The following PLEKHA7 variants were observed in gnomAD, a reference collection of about 807,000 sequenced individuals.
The protein encoded by PLEKHA7 is pleckstrin homology domain containing A7.
PLEKHA7 carries 104 observed loss-of-function variants against 170.0 expected under a neutral mutation model. The ratio of observed to expected loss-of-function variants is 0.61; its 90% CI spans 0.52 to 0.72. PLEKHA7 has a LOEUF of 0.72. PLEKHA7 is among the 30% of genes least tolerant of loss of function. The pLI is 0.00. For synonymous variants in PLEKHA7, 648 were observed against 660.8 expected (o/e 0.98, Z 0.30); for missense variants, 1,615 against 1,671.7 (o/e 0.97, Z 0.59).
At chr11:16,976,968 A>T (rs904454136) in intron 3 of PLEKHA7, among the ~76,000 whole-genome samples, 1 of 152,218 alleles carries the variant, frequency 6.6e-6, no homozygotes, top group African/African-American at 2.4e-5. Context: ...TCCAGGACAC[A>T]GAACACACAG....
chr11:16,853,391 A>T (rs1428509457), intron 6 of PLEKHA7, among the ~76,000 whole-genome samples: 1 of 152,238 alleles, frequency 6.6e-6, no homozygotes. Context: ...TCTGCAAATC[A>T]ACAAGATGAT....
chr11:16,800,050 T>C (rs898709853), intron 17 of PLEKHA7, among the ~76,000 whole-genome samples: 10 of 152,190 alleles, frequency 6.6e-5, no homozygotes, highest in Non-Finnish European at 1.3e-4. Context: ...CAAAGAGCCT[T>C]GGTTAGAACT....
At position 16,800,951 on chromosome 11, in the gene PLEKHA7, G is replaced by A. The variant is rs750464733; in HGVS notation, c.2409+23C>T. The stretch of plus-strand genomic sequence containing the variant: ...AAAAACAAAAAACAAGAGCTCAGAA[G>A]AGATGGACAGGTATCAGGTCACCTG... On this transcript the variant is annotated intron_variant, in intron 17 of 26. Transcript: ENST00000531066. 1.7e-5 allele frequency: 27 copies of A among 1,590,760 alleles called. No individual in the cohort carries two copies. The South Asian group carries it at 2.4e-4, about 14-fold the overall frequency.
chr11:16,896,056 A>G (rs1191760542), intron 3 of PLEKHA7, among the ~76,000 whole-genome samples: 1 of 152,278 alleles, frequency 6.6e-6, no homozygotes, highest in East Asian at 1.9e-4. Flanking sequence ...TTCAGGCTAA[A>G]TATCTTCCCC....
intron 17 of PLEKHA7, among the ~76,000 whole-genome samples, chr11:16,796,406 C>T (rs1386464118): frequency 6.6e-6 from 1 of 152,126 alleles, no homozygotes; most frequent in Non-Finnish European, 1.5e-5. Context: ...AGAAGCCAGT[C>T]ACAAAAAGCC....
intron 19 of PLEKHA7, 134 bp downstream of exon 19, chr11:16,794,354 G>T: frequency 1.2e-6 from 1 of 826,492 alleles, no homozygotes; most frequent in African/African-American, 1.7e-5. Context: ...TTAACTGCTT[G>T]TGACTAAGGA....
chr11:16,801,676 C>T lies in PLEKHA7; in HGVS notation c.2299G>A (p.Glu767Lys). 6.2e-7 allele frequency: 1 copy of T among 1,614,130 alleles called. No homozygotes were observed. ...LVHIRAELSR[E>K]STEMENAWNE... is the part of the protein sequence containing the mutation. ...TGCCACCCTCTACGCACAGTGGACT[C>T]TCTGGAGAGCTCAGCTCGGATATGG... The change falls in exon 16 of 27, where the codon GAG becomes AAG. Residue 767 changes from glutamate (E) to lysine (K), a missense_variant. By Grantham distance (56) the Glu-to-Lys change is moderately conservative. Coordinates refer to ENST00000531066, the MANE Select transcript of PLEKHA7 (RefSeq NM_001329630.2).
chr11:16,905,767 G>C (rs12794652), intron 3 of PLEKHA7, among the ~76,000 whole-genome samples: 6 of 152,342 alleles, frequency 3.9e-5, no homozygotes, highest in African/African-American at 1.4e-4. Flanking sequence ...TAATGGATTA[G>C]GCGCTGAGTA....
At chr11:16,942,340 C>A (rs1203131102) in intron 3 of PLEKHA7, among the ~76,000 whole-genome samples, 1 of 152,214 alleles carries the variant, frequency 6.6e-6, no homozygotes, top group East Asian at 1.9e-4. Context: ...CTATCAACCA[C>A]TTCTGCATCC....
In PLEKHA7 at chr11:16,783,716, T is replaced by C; in HGVS notation, c.3634A>G (p.Ile1212Val). 6.8e-7 allele frequency: 1 copy of C among 1,474,090 alleles called. No individual in the cohort carries two copies. The allele number at this position is 1,474,090 out of a possible 1,614,324, so 91.3% of individuals were successfully genotyped here. ...RYRKAEKIRNILARSSMCNLQ... is the reference protein window; with the variant it reads ...RYRKAEKIRNVLARSSMCNLQ... Reference sequence around the variant, plus strand: ...AGGGCTGACCTTGACCGGGCGAGGATGTTGCGGATCTTCTCGGCTTTGCGG... The same window carrying C: ...AGGGCTGACCTTGACCGGGCGAGGACGTTGCGGATCTTCTCGGCTTTGCGG... Residue 1212 changes from isoleucine to valine, a missense_variant, in exon 25 of 27, where the codon ATC becomes GTC. Physicochemically the swap from Ile to Val is conservative, Grantham distance 29. Transcript: ENST00000531066.
rs1260142187 is a variant in PLEKHA7, at chr11:16,783,685, C to A, written c.3650+15G>T. Reference sequence around the variant, plus strand: ...TCAGGGTGACCTGCCAACACTTGAGCAAGCGAGGGCTGACCTTGACCGGGC... The same window carrying A: ...TCAGGGTGACCTGCCAACACTTGAGAAAGCGAGGGCTGACCTTGACCGGGC... On this transcript the variant is annotated intron_variant, in intron 25 of 26. Transcript: ENST00000531066. 2 of 1,400,912 alleles carry A rather than the reference C, an allele frequency of 1.4e-6. No individual in the cohort carries two copies. The highest frequency in any genetic ancestry group is 5.8e-5 in the East Asian group (2 of 34,704). 86.8% of individuals were successfully genotyped at this position (1,400,912 alleles called of 1,614,324 possible).
chr11:16,807,429 C>T lies in PLEKHA7; in HGVS notation c.2008-4134G>A, dbSNP rs115173039. ...TCCTCCCATGGGCCATGGGACCTTC[C>T]CAGACTGCAGCTCTCTCCTTTTTAT... On this transcript the variant is annotated intron_variant, in intron 13 of 26. Coordinates refer to ENST00000531066, the MANE Select transcript of PLEKHA7 (RefSeq NM_001329630.2). Among the ~76,000 whole-genome samples, 958 of 152,250 alleles carry T rather than the reference C, an allele frequency of 6.3e-3. 8 individuals are homozygous for T. Among genetic ancestry groups the T allele is most frequent in the African/African-American group, 0.022 (914 of 41,546 alleles).
intron 3 of PLEKHA7, among the ~76,000 whole-genome samples, chr11:16,900,466 T>G (rs1181462663): frequency 6.6e-6 from 1 of 152,228 alleles, no homozygotes; most frequent in Non-Finnish European, 1.5e-5. Context: ...CATAAGCAAT[T>G]ATACTTGGAC....
At chr11:16,803,692 A>AC (rs993067798) in intron 13 of PLEKHA7, among the ~76,000 whole-genome samples, 1 of 152,124 alleles carries the variant, frequency 6.6e-6, no homozygotes, top group African/African-American at 2.4e-5. Flanking sequence ...GAAGCCCATC[A>AC]CCCCCTGCCC....
At chr11:16,822,761 G>A (rs1387095134) in intron 10 of PLEKHA7, among the ~76,000 whole-genome samples, 4 of 152,124 alleles carry the variant, frequency 2.6e-5, no homozygotes, top group Non-Finnish European at 5.9e-5. Flanking sequence ...CTTAGTCCTG[G>A]CTGCACATTA....
chr11:16,985,969 C>T (rs773934550), intron 3 of PLEKHA7, among the ~76,000 whole-genome samples: 2 of 152,176 alleles, frequency 1.3e-5, no homozygotes, highest in African/African-American at 2.4e-5. Context: ...CCCTTGATGG[C>T]GGGTGGCCAC....
At chr11:16,890,615 G>C (rs950838332) in intron 3 of PLEKHA7, among the ~76,000 whole-genome samples, 1 of 152,196 alleles carries the variant, frequency 6.6e-6, no homozygotes, top group African/African-American at 2.4e-5. Context: ...ATTAAGAGTT[G>C]TAGGACTGAA....
At chr11:16,843,725 A>G (rs1488054506) in intron 8 of PLEKHA7, among the ~76,000 whole-genome samples, 1 of 152,142 alleles carries the variant, frequency 6.6e-6, no homozygotes, top group Non-Finnish European at 1.5e-5. Flanking sequence ...AGATCACCTG[A>G]AGTTAGTTCA....
chr11:16,786,053 C>A (rs1325488638), intron 24 of PLEKHA7, among the ~76,000 whole-genome samples, 176 bp downstream of exon 24: 3 of 152,224 alleles, frequency 2.0e-5, no homozygotes, highest in Admixed American at 2.0e-4. Flanking sequence ...GAACCTTCAT[C>A]GAAACATCTG....
Sources: allele counts gnomAD v4.1 joint callset (sites outside exome capture counted in the v4.1 genomes callset), GRCh38; gene constraint gnomAD v4.1.1; transcripts MANE v1.5; gene names NCBI Gene and HGNC (gene_info 2026-07-23, HGNC 2026-07-21).